MTBP: variants seen among roughly 807,000 people sequenced by gnomAD.
The protein encoded by MTBP is MDM2 binding protein.
A neutral mutation model predicts 117.0 loss-of-function variants in MTBP; 101 were observed. The observed-to-expected ratio is 0.86, with a 90% CI of 0.73 to 1.02. The LOEUF (loss-of-function observed/expected upper bound fraction) is 1.02, where lower values mean the gene tolerates loss of function less well. Among genes scored for constraint, MTBP ranks in the 50% least tolerant of loss-of-function variants. MTBP has a pLI of 0.00. For missense variants in MTBP, 970 were observed against 1,030.9 expected, an observed-to-expected ratio of 0.94 and a Z score of 0.81; for synonymous variants, 350 against 351.5, an observed-to-expected ratio of 1.00 and a Z score of 0.05.
At chr8:120,492,002 C>T (rs914737762) in intron 13 of MTBP, among the ~76,000 whole-genome samples, 3 of 151,674 alleles carry the variant, frequency 2.0e-5, no homozygotes, top group Non-Finnish European at 4.4e-5. Context: ...TACAGAAATG[C>T]TAAAAATAAA....
chr8:120,473,598 CTAACA>C, intron 11 of MTBP: 1 of 152,172 alleles, frequency 6.6e-6, no homozygotes, highest in South Asian at 2.1e-4. Context: ...AGTGTATGAC[CTAACA>C]TAGCCTTAAG....
chr8:120,486,795 G>T (rs369477540), intron 11 of MTBP, among the ~76,000 whole-genome samples: 5 of 152,116 alleles, frequency 3.3e-5, no homozygotes, highest in Non-Finnish European at 7.3e-5. Context: ...GCCACAACCT[G>T]CTTCTTCCCA....
intron 17 of MTBP, among the ~76,000 whole-genome samples, chr8:120,515,559 A>T (rs1586973961): frequency 6.6e-6 from 1 of 152,060 alleles, no homozygotes; most frequent in African/African-American, 2.4e-5. Flanking sequence ...AGAAGTCAGC[A>T]GTTCATGTTG....
chr8:120,503,672 C>G (rs1432388581), intron 15 of MTBP, among the ~76,000 whole-genome samples: 1 of 152,022 alleles, frequency 6.6e-6, no homozygotes, highest in African/African-American at 2.4e-5. Flanking sequence ...AAAAATTTTG[C>G]TTTCTTACGG....
chr8:120,471,578 C>G (rs1367286981), intron 11 of MTBP: 1 of 152,262 alleles, frequency 6.6e-6, no homozygotes, highest in Non-Finnish European at 1.5e-5. Context: ...GCTAGGATTA[C>G]AGGCGTGGGC....
intron 11 of MTBP, among the ~76,000 whole-genome samples, chr8:120,483,152 T>C (rs1356526368): frequency 6.6e-6 from 1 of 152,000 alleles, no homozygotes; most frequent in Non-Finnish European, 1.5e-5. Flanking sequence ...GGCTAGGAAA[T>C]ACATTTTTGA....
chr8:120,522,597 G>A (rs1815023553), intron 20 of MTBP, 57 bp from the exon 21 acceptor site: 2 of 1,131,378 alleles, frequency 1.8e-6, no homozygotes, highest in Non-Finnish European at 2.6e-6. Context: ...ATAATAATGA[G>A]TTGTTCTTTG....
chr8:120,516,239 A>G (rs1814917187), intron 18 of MTBP, 48 bp downstream of exon 18: 2 of 1,417,352 alleles, frequency 1.4e-6, no homozygotes, highest in East Asian at 2.4e-5. Flanking sequence ...AAAGTATTTT[A>G]GTCTCGAGGA....
intron 16 of MTBP, among the ~76,000 whole-genome samples, chr8:120,508,373 T>C (rs918059191): frequency 7.2e-5 from 11 of 152,096 alleles, no homozygotes; most frequent in African/African-American, 2.2e-4. Context: ...CTGAGGGCGA[T>C]TGATATGAGA....
At chr8:120,480,671 C>T (rs1261655173) in intron 11 of MTBP, among the ~76,000 whole-genome samples, 1 of 151,894 alleles carries the variant, frequency 6.6e-6, no homozygotes, top group Non-Finnish European at 1.5e-5. Context: ...ATTGGATATG[C>T]ATATGTAAAA....
At chr8:120,480,935 C>G (rs1219483349) in intron 11 of MTBP, among the ~76,000 whole-genome samples, 1 of 152,044 alleles carries the variant, frequency 6.6e-6, no homozygotes, top group Non-Finnish European at 1.5e-5. Context: ...TAGTTCCAGT[C>G]GTATATCTGA....
chr8:120,495,388 G>A (rs987093770), intron 13 of MTBP, among the ~76,000 whole-genome samples: 3 of 152,070 alleles, frequency 2.0e-5, no homozygotes, highest in Non-Finnish European at 4.4e-5. Flanking sequence ...ATTGTCTCTA[G>A]AAGGTTTACT....
chr8:120,503,398 G>A (rs1814623513), intron 15 of MTBP, among the ~76,000 whole-genome samples: 1 of 152,126 alleles, frequency 6.6e-6, no homozygotes, highest in Admixed American at 6.5e-5. Flanking sequence ...AAATTATTCT[G>A]TGTGTAATGA....
chr8:120,515,893 T>C (rs200731887), intron 17 of MTBP, 32 bp from the exon 18 acceptor site: 2 of 1,598,166 alleles, frequency 1.3e-6, no homozygotes, highest in East Asian at 4.5e-5. Context: ...CTCATGGAGG[T>C]TTACATTTTA....
intron 10 of MTBP, among the ~76,000 whole-genome samples, chr8:120,468,240 C>G (rs779846217): frequency 1.3e-5 from 2 of 151,870 alleles, no homozygotes; most frequent in Non-Finnish European, 2.9e-5. Context: ...GAAAAATAAG[C>G]ATATTTCTTT....
chr8:120,453,458 A>G (rs1037528079), intron 4 of MTBP, among the ~76,000 whole-genome samples: 2 of 152,162 alleles, frequency 1.3e-5, no homozygotes, highest in East Asian at 3.9e-4. Flanking sequence ...AAAGAAACCC[A>G]AAAACCAAAA....
intron 10 of MTBP, among the ~76,000 whole-genome samples, chr8:120,469,992 C>G (rs568230139): frequency 6.6e-6 from 1 of 152,286 alleles, no homozygotes; most frequent in South Asian, 2.1e-4. Context: ...TTTGCACTAG[C>G]TTTAAGATCT....
intron 6 of MTBP, 59 bp from the exon 7 acceptor site, chr8:120,456,494 T>C (rs952544197): frequency 1.7e-5 from 18 of 1,065,848 alleles, no homozygotes; most frequent in African/African-American, 1.6e-4. Flanking sequence ...TTAACTATAA[T>C]GATTAAATCA....
At chr8:120,459,556 T>G (rs1250709671) in intron 8 of MTBP, among the ~76,000 whole-genome samples, 1 of 152,202 alleles carries the variant, frequency 6.6e-6, no homozygotes, top group African/African-American at 2.4e-5. Flanking sequence ...TTTAAAAAAA[T>G]GTAATGCTAC....
Sources: allele counts gnomAD v4.1 joint callset (sites outside exome capture counted in the v4.1 genomes callset), GRCh38; gene constraint gnomAD v4.1.1; transcripts MANE v1.5; gene names NCBI Gene and HGNC (gene_info 2026-07-23, HGNC 2026-07-21).